PARD3B: variants seen among roughly 807,000 people sequenced by gnomAD.
PARD3B encodes partitioning defective 3 homolog B.
PARD3B carries 103 observed loss-of-function variants against 130.2 expected under a neutral mutation model. The observed-to-expected ratio is 0.79, with a 90% CI of 0.67 to 0.93. The LOEUF (loss-of-function observed/expected upper bound fraction) is 0.93, where lower values mean the gene tolerates loss of function less well. PARD3B is among the 40% of genes least tolerant of loss of function. The probability of loss-of-function intolerance (pLI) is 0.00; values close to 1 mark genes in which losing one functional copy is unlikely to be tolerated. For synonymous variants in PARD3B, 583 were observed against 553.2 expected (o/e 1.05, Z -0.76); for missense variants, 1,609 against 1,499.2 (o/e 1.07, Z -1.21).
chr2:205,587,725 C>T (rs1406984435), intron 22 of PARD3B, among the ~76,000 whole-genome samples: 1 of 152,162 alleles, frequency 6.6e-6, no homozygotes, highest in African/African-American at 2.4e-5. Flanking sequence ...ACGAACTCTA[C>T]CCCTGACAAA....
chr2:204,634,407 G>C (rs1395621465), intron 1 of PARD3B, among the ~76,000 whole-genome samples: 2 of 152,098 alleles, frequency 1.3e-5, no homozygotes, highest in Non-Finnish European at 2.9e-5. Flanking sequence ...GATACTTAAA[G>C]TTGCTTCCAA....
At chr2:204,650,065 A>G (rs534892186) in intron 1 of PARD3B, among the ~76,000 whole-genome samples, 102 of 152,112 alleles carry the variant, frequency 6.7e-4, no homozygotes, top group Non-Finnish European at 1.3e-3. Context: ...AATTTACAAG[A>G]AAAAAAACCC....
chr2:204,668,029 G>A lies in PARD3B; in HGVS notation c.121-18152G>A, dbSNP rs374115486. Among the ~76,000 whole-genome samples, 16 of 152,184 alleles carry A rather than the reference G, an allele frequency of 1.1e-4. No individual in the cohort carries two copies. The East Asian group carries it at 1.5e-3, about 15-fold the overall frequency. On this transcript the variant is annotated intron_variant, in intron 1 of 22. Coordinates refer to ENST00000406610, the MANE Select transcript of PARD3B (RefSeq NM_001302769.2). ...CATTTGATAATAAACCTACATTTCT[G>A]TTGTGGAAGGAGGTGTAAATAAATG... is the stretch of plus-strand genomic sequence containing the variant.
intron 1 of PARD3B, among the ~76,000 whole-genome samples, chr2:204,640,859 C>T (rs1482908515): frequency 6.6e-6 from 1 of 150,824 alleles, no homozygotes; most frequent in Non-Finnish European, 1.5e-5. Flanking sequence ...GAGCCATGAG[C>T]CCTGCCTGTG....
At chr2:204,682,572 G>A (rs1323832021) in intron 1 of PARD3B, among the ~76,000 whole-genome samples, 3 of 152,164 alleles carry the variant, frequency 2.0e-5, no homozygotes, top group Non-Finnish European at 2.9e-5. Flanking sequence ...CAGTAGGTAA[G>A]ATTCTTCTAG....
At chr2:204,830,240 A>G (rs1438731156) in intron 2 of PARD3B, among the ~76,000 whole-genome samples, 1 of 152,078 alleles carries the variant, frequency 6.6e-6, no homozygotes, top group Non-Finnish European at 1.5e-5. Context: ...GCACTAATAC[A>G]TAGGATAACT....
rs540105568 is a variant in PARD3B, at chr2:205,174,121, G to A, written c.1791+1740G>A. Among the ~76,000 whole-genome samples the A allele has an allele frequency of 3.2e-4, 48 of 152,244 alleles. No individual in the cohort carries two copies. In the South Asian group the frequency reaches 9.8e-3, roughly 31 times the overall value. Reference sequence around the variant, plus strand: ...TAGGCGTTATATATTTTGGCTCATCGAGTTGGCACACTTTACTATTTGCAT... The same window carrying A: ...TAGGCGTTATATATTTTGGCTCATCAAGTTGGCACACTTTACTATTTGCAT... On this transcript the variant is annotated intron_variant, in intron 12 of 22. Transcript: ENST00000406610.
At chr2:205,243,671 C>A (rs985085786) in intron 15 of PARD3B, among the ~76,000 whole-genome samples, 2 of 152,068 alleles carry the variant, frequency 1.3e-5, no homozygotes, top group African/African-American at 4.8e-5. Flanking sequence ...GTCTTATATT[C>A]CAGGTTTCTC....
chr2:204,592,269 C>G (rs1445275639), intron 1 of PARD3B, among the ~76,000 whole-genome samples: 1 of 152,210 alleles, frequency 6.6e-6, no homozygotes, highest in Non-Finnish European at 1.5e-5. Context: ...CCATGGAAAT[C>G]CATAGAATGA....
chr2:205,394,061 T>C (rs2045945099), intron 18 of PARD3B, among the ~76,000 whole-genome samples: 1 of 152,180 alleles, frequency 6.6e-6, no homozygotes, highest in Admixed American at 6.5e-5. Context: ...ATTTATGTTG[T>C]TAATGGTTCA....
At chr2:204,758,053 C>T (rs1368403598) in intron 2 of PARD3B, among the ~76,000 whole-genome samples, 1 of 152,134 alleles carries the variant, frequency 6.6e-6, no homozygotes. Context: ...CTGTGTGCTG[C>T]TTTGTTCAGT....
chr2:204,640,268 CAGAT>C (rs2035029926), intron 1 of PARD3B, among the ~76,000 whole-genome samples: 1 of 152,072 alleles, frequency 6.6e-6, no homozygotes, highest in African/African-American at 2.4e-5. Flanking sequence ...AAAAACAAAA[CAGAT>C]AGACTCCTTG....
Position 204,675,904 on chromosome 2 carries a change from T to G in PARD3B, c.121-10277T>G, listed in dbSNP as rs1045241648. Among the ~76,000 whole-genome samples, 2 of 152,216 alleles carry G rather than the reference T, an allele frequency of 1.3e-5. No homozygotes were observed. The highest frequency in any genetic ancestry group is 2.4e-5 in the African/African-American group (1 of 41,466). On this transcript the variant is annotated intron_variant, in intron 1 of 22. Transcript: ENST00000406610. The surrounding 1 kb of genome is among the most constrained non-coding windows in gnomAD (Gnocchi z 4.4). ...GCTTTTATATTGCAATTATTTTGTTTAGAATTATACATCAGAAGAAAACAA... is the reference window on the plus strand; with the variant it reads ...GCTTTTATATTGCAATTATTTTGTTGAGAATTATACATCAGAAGAAAACAA...
intron 18 of PARD3B, among the ~76,000 whole-genome samples, chr2:205,353,263 C>T (rs1000588384): frequency 6.6e-6 from 1 of 152,194 alleles, no homozygotes; most frequent in African/African-American, 2.4e-5. Flanking sequence ...ATCCAGAAAG[C>T]CTTTCTTAAA....
chr2:205,063,026 T>C (rs1700149360), intron 4 of PARD3B, among the ~76,000 whole-genome samples: 1 of 152,042 alleles, frequency 6.6e-6, no homozygotes, highest in African/African-American at 2.4e-5. Flanking sequence ...TTAATTAATC[T>C]ATTATATATA....
rs566807793 is a variant in PARD3B, at chr2:204,998,538, A to G, written c.394+33215A>G. On this transcript the variant is annotated intron_variant, in intron 3 of 22. Transcript: ENST00000406610. ...TATGTGTGTGTATATATATGTGTGT[A>G]TATATATATAAAGAATTAGAGAAGA... Among the ~76,000 whole-genome samples the G allele has an allele frequency of 8.9e-5, 10 of 112,700 alleles. 1 individual carries two copies. The South Asian group carries it at 2.8e-3, about 32-fold the overall frequency. 73.9% of individuals were successfully genotyped at this position (112,700 alleles called of 152,430 possible).
chr2:204,631,737 G>C (rs1054084334), intron 1 of PARD3B, among the ~76,000 whole-genome samples: 1 of 152,140 alleles, frequency 6.6e-6, no homozygotes. Context: ...GTAGTGGCTG[G>C]TAACAGTTTT....
chr2:204,799,846 A>G lies in PARD3B; in HGVS notation c.222+113564A>G, dbSNP rs1159482291. 1.3e-5 allele frequency among the ~76,000 whole-genome samples: 2 copies of G among 152,194 alleles called. No homozygotes were observed. Among genetic ancestry groups the G allele is most frequent in the East Asian group, 3.9e-4 (2 of 5,182 alleles). ...CCCAAATGCAGATATGGCTGCAGTG[A>G]CTAAAGATTTATATCACAGCATCAG... On this transcript the variant is annotated intron_variant, in intron 2 of 22. Coordinates refer to ENST00000406610, the MANE Select transcript of PARD3B (RefSeq NM_001302769.2). This position sits in a 1 kb window ranked among gnomAD's most constrained non-coding sequence, Gnocchi z 4.1.
At chr2:204,861,924 CAAAAAAA>C (rs60473341) in intron 2 of PARD3B, among the ~76,000 whole-genome samples, 209 of 34,084 alleles carry the variant, frequency 6.1e-3, no homozygotes, top group Non-Finnish European at 0.011. Flanking sequence ...AGACATTTCT[CAAAAAAA>C]AAAAAAAAAA....
Sources: gnomAD v4.1 joint callset for allele counts (sites outside exome capture counted in the v4.1 genomes callset) on GRCh38, gnomAD v4.1.1 for gene constraint, Gnocchi (gnomAD v3.1) non-coding constraint, MANE v1.5 for transcripts, NCBI Gene and HGNC (gene_info 2026-07-23, HGNC 2026-07-21) for gene names.